The following CNTN5 variants were observed in gnomAD, a reference collection of about 807,000 sequenced individuals.
CNTN5 encodes the protein contactin-5.
Under a neutral mutation model 129.1 loss-of-function variants are expected in CNTN5, and 77 were observed. The ratio of observed to expected loss-of-function variants is 0.60; its 90% CI spans 0.50 to 0.72. The LOEUF (loss-of-function observed/expected upper bound fraction) is 0.72. Among genes scored for constraint, CNTN5 ranks in the 30% least tolerant of loss-of-function variants. The probability of loss-of-function intolerance (pLI) is 0.00; values close to 1 mark genes in which losing one functional copy is unlikely to be tolerated. For synonymous variants in CNTN5, 509 were observed against 465.6 expected (o/e 1.09, Z -1.20); for missense variants, 1,478 against 1,328.8 (o/e 1.11, Z -1.75).
chr11:99,831,411 G>A (rs900971002), intron 4 of CNTN5, among the ~76,000 whole-genome samples: 2 of 152,130 alleles, frequency 1.3e-5, no homozygotes, highest in Admixed American at 6.6e-5. Context: ...TTCAACTTTC[G>A]AAGTATTGCT....
At chr11:99,315,275 G>C (rs1019363863) in intron 1 of CNTN5, among the ~76,000 whole-genome samples, 1 of 149,506 alleles carries the variant, frequency 6.7e-6, no homozygotes, top group African/African-American at 2.4e-5. Context: ...TAAACATTCT[G>C]AACATTATTT....
chr11:99,169,401 A>G (rs774499783), intron 1 of CNTN5, among the ~76,000 whole-genome samples: 2 of 140,236 alleles, frequency 1.4e-5, no homozygotes, highest in Non-Finnish European at 3.1e-5. Context: ...TGTATTTAGT[A>G]TAGATAATTT....
intron 6 of CNTN5, among the ~76,000 whole-genome samples, chr11:99,888,993 G>A (rs34076565): frequency 0.85 from 128,678 of 151,708 alleles, 54,725 homozygotes; most frequent in East Asian, 1. Context: ...GGAGGGTTCA[G>A]TTATTTAATT....
intron 3 of CNTN5, among the ~76,000 whole-genome samples, chr11:99,781,682 A>C (rs950904369): frequency 6.6e-6 from 1 of 152,098 alleles, no homozygotes; most frequent in African/African-American, 2.4e-5. Flanking sequence ...AATTCGATCA[A>C]CATACTTTAA....
At chr11:99,374,640 C>T (rs1940048719) in intron 2 of CNTN5, among the ~76,000 whole-genome samples, 1 of 151,940 alleles carries the variant, frequency 6.6e-6, no homozygotes, top group African/African-American at 2.4e-5. Context: ...GTCCAGATCG[C>T]GTCACTGCAC....
rs140521638 is a variant in CNTN5 at position 99,179,489 on chromosome 11, A to G, written c.-209-145857A>G. 1.3e-3 allele frequency among the ~76,000 whole-genome samples: 204 copies of G among 152,224 alleles called. 1 individual carries two copies. The highest frequency in any genetic ancestry group is 4.6e-3 in the African/African-American group (192 of 41,548). On this transcript the variant is annotated intron_variant, in intron 1 of 24. Coordinates refer to ENST00000524871, the MANE Select transcript of CNTN5 (RefSeq NM_014361.4). The stretch of plus-strand genomic sequence containing the variant: ...AAAAATAAACAAAAACAAACATAAA[A>G]AACAACAAAAAAAGAAATTTAACTA...
intron 3 of CNTN5, among the ~76,000 whole-genome samples, chr11:99,694,467 A>C (rs993766869): frequency 6.6e-6 from 1 of 152,176 alleles, no homozygotes; most frequent in African/African-American, 2.4e-5. Context: ...CACAGTCTTC[A>C]AGTAAGTGAG....
chr11:99,855,399 C>T (rs1199111297), intron 6 of CNTN5, among the ~76,000 whole-genome samples: 1 of 152,146 alleles, frequency 6.6e-6, no homozygotes, highest in African/African-American at 2.4e-5. Flanking sequence ...AAATCATAAT[C>T]CAAGGCAAAC....
At chr11:100,254,499 C>T (rs886418940) in intron 16 of CNTN5, among the ~76,000 whole-genome samples, 4 of 152,174 alleles carry the variant, frequency 2.6e-5, no homozygotes, top group African/African-American at 7.2e-5. Context: ...TTCCAACTTT[C>T]GGTCACCTTC....
intron 9 of CNTN5, among the ~76,000 whole-genome samples, chr11:100,009,483 G>T (rs1940395834): frequency 6.6e-6 from 1 of 152,002 alleles, no homozygotes; most frequent in South Asian, 2.1e-4. Flanking sequence ...TTAATTAGTT[G>T]GAAAGAAAAG....
At chr11:99,587,833 A>T (rs1949849783) in intron 3 of CNTN5, among the ~76,000 whole-genome samples, 1 of 152,208 alleles carries the variant, frequency 6.6e-6, no homozygotes, top group Admixed American at 6.5e-5. Context: ...GTGCTTTAAT[A>T]GTTGGGTCAA....
At chr11:100,338,545 C>A (rs760983632) in intron 21 of CNTN5, among the ~76,000 whole-genome samples, 7 of 152,192 alleles carry the variant, frequency 4.6e-5, no homozygotes, top group Non-Finnish European at 7.3e-5. Flanking sequence ...AAGAATTACT[C>A]TCTTATGACC....
At chr11:100,000,678 C>T (rs1400183825) in intron 8 of CNTN5, among the ~76,000 whole-genome samples, 3 of 152,222 alleles carry the variant, frequency 2.0e-5, no homozygotes, top group Non-Finnish European at 2.9e-5. Context: ...CCATTCCCCT[C>T]TGCATTGCCC....
chr11:99,140,247 G>A (rs1859445625), intron 1 of CNTN5, among the ~76,000 whole-genome samples: 1 of 151,962 alleles, frequency 6.6e-6, no homozygotes, highest in Non-Finnish European at 1.5e-5. Context: ...GGTTACACAT[G>A]GAGGTTAGTA....
At chr11:99,563,411 G>T (rs1236824865) in intron 3 of CNTN5, among the ~76,000 whole-genome samples, 1 of 152,122 alleles carries the variant, frequency 6.6e-6, no homozygotes, top group Non-Finnish European at 1.5e-5. Context: ...GGAGGAGTGT[G>T]TGTCTTTCCA....
At chr11:99,175,280 T>C (rs867399452) in intron 1 of CNTN5, among the ~76,000 whole-genome samples, 5 of 152,162 alleles carry the variant, frequency 3.3e-5, no homozygotes, top group African/African-American at 2.4e-5. Flanking sequence ...GGTTTATTAC[T>C]CATGAATGTT....
intron 7 of CNTN5, among the ~76,000 whole-genome samples, chr11:99,932,875 T>A (rs1950224960): frequency 6.6e-6 from 1 of 152,162 alleles, no homozygotes; most frequent in African/African-American, 2.4e-5. Flanking sequence ...ATGAACAAGT[T>A]TTCTTCTCTT....
intron 23 of CNTN5, among the ~76,000 whole-genome samples, chr11:100,346,403 A>C (rs1282583730): frequency 2.0e-5 from 3 of 152,290 alleles, no homozygotes; most frequent in African/African-American, 7.2e-5. Context: ...TATAAAGTAA[A>C]AACAACCATT....
chr11:100,037,522 G>A (rs958464768), intron 9 of CNTN5, among the ~76,000 whole-genome samples: 4 of 151,934 alleles, frequency 2.6e-5, no homozygotes, highest in African/African-American at 9.7e-5. Flanking sequence ...TCTATTGATT[G>A]GAATAGTTTC....
Sources: gnomAD v4.1 joint callset for allele counts (sites outside exome capture counted in the v4.1 genomes callset) on GRCh38, gnomAD v4.1.1 for gene constraint, MANE v1.5 for transcripts, NCBI Gene and HGNC (gene_info 2026-07-23, HGNC 2026-07-21) for gene names.